Variants in ATOSA observed in about 807,000 individuals in gnomAD.
The protein encoded by ATOSA is atos homolog A, also known as atos homolog protein A.
the ATOSA span, chr15:52,613,752 G>A: frequency 6.2e-7 from 1 of 1,613,742 alleles, no homozygotes; most frequent in Non-Finnish European, 8.5e-7. Context: ...AAAGCTTTCT[G>A]TTCGACCTTT....
chr15:52,594,081 T>C, the ATOSA span, among the ~76,000 whole-genome samples: 2 of 152,258 alleles, frequency 1.3e-5, no homozygotes, highest in Admixed American at 1.3e-4. Flanking sequence ...TTTAAAAATA[T>C]GCTCTATCAG....
the ATOSA span, among the ~76,000 whole-genome samples, chr15:52,630,031 G>A: frequency 6.6e-6 from 1 of 152,062 alleles, no homozygotes; most frequent in African/African-American, 2.4e-5. Flanking sequence ...TGGTGGTGGT[G>A]GGGTACCTAA....
chr15:52,706,831 A>G, the ATOSA span, among the ~76,000 whole-genome samples: 1 of 152,174 alleles, frequency 6.6e-6, no homozygotes, highest in Admixed American at 6.6e-5. Context: ...CCACTGATAT[A>G]AGATATTCAG....
the ATOSA span, chr15:52,609,097 G>T: frequency 6.2e-7 from 1 of 1,613,412 alleles, no homozygotes; most frequent in South Asian, 1.1e-5. Flanking sequence ...TGATAAACTA[G>T]AACTTTTGTT....
chr15:52,590,886 GAA>G, the ATOSA span: 1 of 152,202 alleles, frequency 6.6e-6, no homozygotes, highest in East Asian at 1.9e-4. Flanking sequence ...TCAGAGAAAA[GAA>G]AGTCAGAGTT....
the ATOSA span, among the ~76,000 whole-genome samples, chr15:52,670,519 T>C: frequency 3.9e-5 from 6 of 152,250 alleles, no homozygotes; most frequent in Admixed American, 2.6e-4. Context: ...TCTTGCATTA[T>C]AGTACGCTGC....
chr15:52,634,599 CTTTTCT>C, the ATOSA span, among the ~76,000 whole-genome samples: 27 of 97,480 alleles, frequency 2.8e-4, no homozygotes, highest in Admixed American at 4.1e-3. Context: ...GTCCATTTTT[CTTTTCT>C]TTTTTTTTTT....
the ATOSA span, among the ~76,000 whole-genome samples, chr15:52,705,680 C>G: frequency 6.6e-6 from 1 of 152,086 alleles, no homozygotes; most frequent in Non-Finnish European, 1.5e-5. Context: ...AATCACCACT[C>G]AGATCAATAC....
At chr15:52,680,945 C>T in the ATOSA span, among the ~76,000 whole-genome samples, 1 of 152,168 alleles carries the variant, frequency 6.6e-6, no homozygotes, top group Non-Finnish European at 1.5e-5. Context: ...AGCACAACAG[C>T]TGGGACCAAA....
At chr15:52,590,601 T>A in the ATOSA span, 1 of 152,196 alleles carries the variant, frequency 6.6e-6, no homozygotes, top group African/African-American at 2.4e-5. Context: ...GAGTAACAAG[T>A]GTTTTATGTC....
the ATOSA span, chr15:52,610,506 G>A: frequency 9.5e-7 from 1 of 1,055,200 alleles, no homozygotes; most frequent in Non-Finnish European, 1.3e-6. Flanking sequence ...TACCACTGAG[G>A]TTTACTTTTA....
the ATOSA span, among the ~76,000 whole-genome samples, chr15:52,645,952 C>T: frequency 6.6e-6 from 1 of 152,288 alleles, no homozygotes; most frequent in Non-Finnish European, 1.5e-5. Flanking sequence ...ATCCACTATC[C>T]CAGTGCTGTT....
the ATOSA span, among the ~76,000 whole-genome samples, chr15:52,616,129 T>C: frequency 6.6e-6 from 1 of 152,212 alleles, no homozygotes; most frequent in Non-Finnish European, 1.5e-5. Context: ...TATAACGTAC[T>C]GTGATAACCA....
chr15:52,680,091 C>G, the ATOSA span, among the ~76,000 whole-genome samples: 1 of 150,954 alleles, frequency 6.6e-6, no homozygotes, highest in Non-Finnish European at 1.5e-5. Context: ...AAAACACTGA[C>G]TCATGGGCAG....
chr15:52,585,999 CAGAAT>C, the ATOSA span: 1 of 152,214 alleles, frequency 6.6e-6, no homozygotes, highest in Non-Finnish European at 1.5e-5. Flanking sequence ...AAACTGTATA[CAGAAT>C]AGAAGACATA....
At chr15:52,659,990 A>T in the ATOSA span, among the ~76,000 whole-genome samples, 1 of 152,226 alleles carries the variant, frequency 6.6e-6, no homozygotes, top group Non-Finnish European at 1.5e-5. Flanking sequence ...TGTAGCATTT[A>T]ACCCAGCCCA....
the ATOSA span, among the ~76,000 whole-genome samples, chr15:52,674,463 T>A: frequency 6.6e-6 from 1 of 152,186 alleles, no homozygotes; most frequent in African/African-American, 2.4e-5. Flanking sequence ...AACATTAAAT[T>A]TTCCAGCTGC....
chr15:52,688,362 G>T, the ATOSA span, among the ~76,000 whole-genome samples: 1 of 152,214 alleles, frequency 6.6e-6, no homozygotes, highest in Non-Finnish European at 1.5e-5. Context: ...TCATGCAAAT[G>T]TGAACTAAAG....
chr15:52,652,902 C>G, the ATOSA span, among the ~76,000 whole-genome samples: 7 of 152,148 alleles, frequency 4.6e-5, no homozygotes, highest in African/African-American at 1.7e-4. Context: ...CAGCAAAAAT[C>G]CCTCCCCAGC....
Sources: allele counts gnomAD v4.1 joint callset (sites outside exome capture counted in the v4.1 genomes callset), GRCh38; gene constraint gnomAD v4.1.1; transcripts MANE v1.5; gene names NCBI Gene and HGNC (gene_info 2026-07-23, HGNC 2026-07-21).